The following TRMT10A variants were observed in gnomAD, a reference collection of about 807,000 sequenced individuals.
TRMT10A encodes tRNA methyltransferase 10 homolog A.
In TRMT10A, 37 loss-of-function variants were observed where a neutral mutation model predicts 40.4. That is an observed-to-expected ratio of 0.92 (90% CI 0.71 to 1.21). The LOEUF is 1.21. TRMT10A is among the 50% of genes most tolerant of loss of function. TRMT10A has a pLI of 0.00. For synonymous variants in TRMT10A, 103 were observed against 134.1 expected (o/e 0.77, Z 1.60); for missense variants, 388 against 404.3 (o/e 0.96, Z 0.35).
chr4:99,559,529 G>T (rs996603382), intron 1 of TRMT10A, among the ~76,000 whole-genome samples, 168 bp from the exon 2 acceptor site: 1 of 152,150 alleles, frequency 6.6e-6, no homozygotes, highest in Non-Finnish European at 1.5e-5. Context: ...TAAATATTCA[G>T]CAATGCTAGT....
chr4:99,562,178 A>G (rs1338129552), intron 1 of TRMT10A, among the ~76,000 whole-genome samples: 1 of 127,610 alleles, frequency 7.8e-6, no homozygotes, highest in Non-Finnish European at 1.7e-5. Flanking sequence ...CTCCAAAAAA[A>G]AAAAAAAATT....
Position 99,557,399 on chromosome 4 carries a change from A to G in TRMT10A, c.366T>C (p.His122=), listed in dbSNP as rs772247382. The change falls in exon 4 of 8, where the codon CAT becomes CAC. Residue 122 remains histidine (H), a synonymous_variant. Transcript: ENST00000394876. The stretch of plus-strand genomic sequence containing the variant: ...CTGCGTAACATCGTTGAATCTGCTT[A>G]TGAAGTTTCTTAATGTCCTATCACA... ...LMVLKDIKKL[H]KQIQRCYAEN... is the part of the protein sequence containing the mutation. 1.2e-6 allele frequency: 2 copies of G among 1,613,458 alleles called. No individual in the cohort carries two copies. Among genetic ancestry groups the G allele is most frequent in the Non-Finnish European group, 1.7e-6 (2 of 1,179,618 alleles).
chr4:99,549,136 C>T lies in TRMT10A; in HGVS notation c.972G>A (p.Gln324=), dbSNP rs765679999. The change falls in exon 8 of 8, where the codon CAG becomes CAA. Residue 324 remains glutamine, a synonymous_variant. Coordinates refer to ENST00000394876, the MANE Select transcript of TRMT10A (RefSeq NM_001134665.3). ...TAGATTCAGTGTGATTTTCCTTATC[C>T]TGCTTTTCTTCATGTGGTGAATCTA... ...NELDSPHEEK[Q]DKENHTESTV... is the part of the protein sequence containing the mutation. The T allele has an allele frequency of 3.7e-6, 6 of 1,613,984 alleles. No homozygotes were observed. Among genetic ancestry groups the T allele is most frequent in the Admixed American group, 3.3e-5 (2 of 60,004 alleles).
rs1449581719 is a variant in TRMT10A at position 99,556,139 on chromosome 4, T to C, written c.495+7A>G. ...GAATTATGTGAGAGTTTATCTGTTTTAATTACCTTCCAGTTGACCCATCCT... is the reference window on the plus strand; with the variant it reads ...GAATTATGTGAGAGTTTATCTGTTTCAATTACCTTCCAGTTGACCCATCCT... On this transcript the variant is annotated splice_region_variant and intron_variant, in intron 5 of 7. Coordinates refer to ENST00000394876, the MANE Select transcript of TRMT10A (RefSeq NM_001134665.3). 3 of 1,613,122 alleles carry C rather than the reference T, an allele frequency of 1.9e-6. No homozygotes were observed. The highest frequency in any genetic ancestry group is 3.3e-5 in the Admixed American group (2 of 59,948).
rs1036304175 is a variant in TRMT10A at position 99,548,047 on chromosome 4, G to C, written c.*1041C>G. The C allele has an allele frequency of 6.6e-6, 1 of 151,954 alleles. No individual in the cohort carries two copies. Among genetic ancestry groups the C allele is most frequent in the Non-Finnish European group, 1.5e-5 (1 of 67,960 alleles). 9.4% of individuals were successfully genotyped at this position (151,954 alleles called of 1,614,324 possible). On this transcript the variant is annotated 3_prime_UTR_variant, in exon 8 of 8. Transcript: ENST00000394876. Reference sequence around the variant, plus strand: ...TTTTGTACTTAATAAAATTCAAATTGTTCTTAGCGTGTTCAACACAACCAT... The same window carrying C: ...TTTTGTACTTAATAAAATTCAAATTCTTCTTAGCGTGTTCAACACAACCAT...
intron 1 of TRMT10A, chr4:99,563,432 G>GA (rs1724539023): frequency 1.2e-5 from 2 of 160,384 alleles, no homozygotes; most frequent in Non-Finnish European, 2.7e-5. Flanking sequence ...CCCTTTGCAG[G>GA]AAAAATGAGG....
intron 3 of TRMT10A, 29 bp from the exon 4 acceptor site, chr4:99,557,445 A>G (rs1490920739): frequency 6.2e-7 from 1 of 1,602,074 alleles, no homozygotes; most frequent in South Asian, 1.1e-5. Context: ...TTTAAAGCAA[A>G]GTTATTAAAA....
chr4:99,557,013 C>A (rs550815681), intron 4 of TRMT10A, among the ~76,000 whole-genome samples: 1 of 152,234 alleles, frequency 6.6e-6, no homozygotes, highest in African/African-American at 2.4e-5. Context: ...TTCTGCCTCT[C>A]TGTCCAATCT....
At chr4:99,558,955 G>C (rs1328457109) in intron 2 of TRMT10A, among the ~76,000 whole-genome samples, 199 bp downstream of exon 2, 1 of 152,122 alleles carries the variant, frequency 6.6e-6, no homozygotes, top group Non-Finnish European at 1.5e-5. Context: ...AGTTTTAACA[G>C]CCAGTTGACA....
At chr4:99,563,093 T>A (rs1724512005) in intron 1 of TRMT10A, among the ~76,000 whole-genome samples, 2 of 152,248 alleles carry the variant, frequency 1.3e-5, no homozygotes, top group South Asian at 4.1e-4. Flanking sequence ...AGTGCGGGGA[T>A]TACAGACGTG....
At position 99,564,022 on chromosome 4, in the gene TRMT10A, G is replaced by T. The variant is rs1457718647; in HGVS notation, c.-133C>A. 1 of 1,507,004 alleles carries T rather than the reference G, an allele frequency of 6.6e-7. No individual in the cohort carries two copies. Among genetic ancestry groups the T allele is most frequent in the Non-Finnish European group, 8.9e-7 (1 of 1,121,512 alleles). 93.4% of individuals were successfully genotyped at this position (1,507,004 alleles called of 1,614,324 possible). A position where few individuals can be genotyped will look rare whatever the true frequency, so the allele number is the denominator to read the frequency against. On this transcript the variant is annotated 5_prime_UTR_variant, in exon 1 of 8. Coordinates refer to ENST00000394876, the MANE Select transcript of TRMT10A (RefSeq NM_001134665.3). The stretch of plus-strand genomic sequence containing the variant: ...CAGAAACTTCAATTCCCAGAGGCAG[G>T]GGCGGTAGTTACGCAGTGGAGGCTA...
chr4:99,563,783 A>G, intron 1 of TRMT10A, 130 bp downstream of exon 1: 1 of 523,048 alleles, frequency 1.9e-6, no homozygotes, highest in Non-Finnish European at 3.6e-6. Flanking sequence ...GCAGGAAACC[A>G]CTTCCACACC....
intron 1 of TRMT10A, among the ~76,000 whole-genome samples, chr4:99,561,931 A>G (rs1578216782): frequency 6.6e-6 from 1 of 152,012 alleles, no homozygotes; most frequent in African/African-American, 2.4e-5. Context: ...TGTAATCCCA[A>G]CACTTTGGGA....
intron 1 of TRMT10A, 62 bp downstream of exon 1, chr4:99,563,851 C>T: frequency 1.5e-6 from 1 of 676,030 alleles, no homozygotes; most frequent in South Asian, 1.5e-5. Context: ...ATGGCACGCG[C>T]CCCTTTGCGT....
At chr4:99,554,646 C>G (rs985560369) in intron 5 of TRMT10A, among the ~76,000 whole-genome samples, 1 of 140,280 alleles carries the variant, frequency 7.1e-6, no homozygotes, top group Non-Finnish European at 1.5e-5. Flanking sequence ...GTTTGAATCC[C>G]GGAGGCAGAG....
intron 1 of TRMT10A, chr4:99,563,393 C>T (rs1454681226): frequency 1.3e-5 from 2 of 156,360 alleles, no homozygotes; most frequent in Admixed American, 6.4e-5. Context: ...CTCGGGCTCT[C>T]TACATTTCAG....
intron 4 of TRMT10A, 151 bp from the exon 5 acceptor site, chr4:99,556,371 A>G (rs1162102872): frequency 2.9e-6 from 2 of 684,862 alleles, no homozygotes; most frequent in Non-Finnish European, 4.8e-6. Flanking sequence ...ACATGCTTTG[A>G]GCAAACAATA....
At chr4:99,552,032 G>A (rs747331889) in intron 6 of TRMT10A, among the ~76,000 whole-genome samples, 9 of 151,922 alleles carry the variant, frequency 5.9e-5, no homozygotes, top group South Asian at 2.1e-4. Flanking sequence ...ATGTGTTTAC[G>A]TTTTAAGCTA....
chr4:99,551,364 C>A (rs1723957382), intron 6 of TRMT10A, among the ~76,000 whole-genome samples: 1 of 152,156 alleles, frequency 6.6e-6, no homozygotes, highest in Non-Finnish European at 1.5e-5. Context: ...AAAATACAGT[C>A]CTGCACTGCA....
Sources: gnomAD v4.1 joint callset for allele counts (sites outside exome capture counted in the v4.1 genomes callset) on GRCh38, gnomAD v4.1.1 for gene constraint, MANE v1.5 for transcripts, NCBI Gene and HGNC (gene_info 2026-07-23, HGNC 2026-07-21) for gene names.